The following ATRNL1 variants were observed in gnomAD, a reference collection of about 807,000 sequenced individuals.
ATRNL1 encodes the protein attractin like 1.
Under a neutral mutation model 182.7 loss-of-function variants are expected in ATRNL1, and 95 were observed. The observed-to-expected ratio is 0.52, with a 90% CI of 0.44 to 0.62. The LOEUF is 0.62. Ranked by LOEUF, ATRNL1 falls within the 20% of genes least tolerant of loss-of-function variation. ATRNL1 has a pLI of 0.00. For missense variants in ATRNL1, 1,471 were observed against 1,679.5 expected, an observed-to-expected ratio of 0.88 and a Z score of 2.17; for synonymous variants, 576 against 568.3, an observed-to-expected ratio of 1.01 and a Z score of -0.19.
intron 9 of ATRNL1, among the ~76,000 whole-genome samples, chr10:115,221,442 A>G (rs941635997): frequency 1.4e-4 from 21 of 152,314 alleles, no homozygotes; most frequent in Admixed American, 1.0e-3. Context: ...TGTTTTGAGG[A>G]CTTATTCTTT....
chr10:115,100,099 C>G (rs527848974), intron 1 of ATRNL1, among the ~76,000 whole-genome samples: 15 of 152,150 alleles, frequency 9.9e-5, no homozygotes, highest in African/African-American at 3.6e-4. Flanking sequence ...TGAGTGCAGC[C>G]TGGGAAACAA....
intron 13 of ATRNL1, among the ~76,000 whole-genome samples, chr10:115,279,832 T>G (rs1177963734): frequency 3.9e-5 from 6 of 152,196 alleles, no homozygotes; most frequent in Admixed American, 3.9e-4. Flanking sequence ...AAAATCCCTA[T>G]TCAACATTTT....
chr10:115,795,117 G>A (rs1555082598), intron 27 of ATRNL1, among the ~76,000 whole-genome samples: 3 of 152,114 alleles, frequency 2.0e-5, no homozygotes, highest in African/African-American at 7.2e-5. Context: ...GTTTCTTTTA[G>A]TGGAAAATGG....
chr10:115,124,571 A>C (rs1378899182), intron 3 of ATRNL1, among the ~76,000 whole-genome samples: 2 of 152,162 alleles, frequency 1.3e-5, no homozygotes, highest in Non-Finnish European at 2.9e-5. Flanking sequence ...CTGAACTCAA[A>C]TCTCCAGCCC....
intron 8 of ATRNL1, among the ~76,000 whole-genome samples, chr10:115,190,236 C>T (rs1273122289): frequency 6.6e-6 from 1 of 152,068 alleles, no homozygotes; most frequent in Non-Finnish European, 1.5e-5. Flanking sequence ...GTGACAAATG[C>T]TACTGTTAAA....
At chr10:115,373,317 T>C (rs1056678831) in intron 19 of ATRNL1, among the ~76,000 whole-genome samples, 2 of 152,076 alleles carry the variant, frequency 1.3e-5, no homozygotes, top group Non-Finnish European at 1.5e-5. Flanking sequence ...ACAGGGACAA[T>C]TTTACTTATT....
intron 21 of ATRNL1, among the ~76,000 whole-genome samples, chr10:115,442,775 C>A (rs1169227806): frequency 6.6e-6 from 1 of 152,064 alleles, no homozygotes; most frequent in South Asian, 2.1e-4. Flanking sequence ...TTGGCTTTCT[C>A]TTCTATTAAT....
intron 1 of ATRNL1, among the ~76,000 whole-genome samples, chr10:115,097,997 T>G (rs1249633210): frequency 6.6e-6 from 1 of 152,216 alleles, no homozygotes; most frequent in African/African-American, 2.4e-5. Context: ...CATATATATT[T>G]GGAATCCTTT....
chr10:115,148,478 T>C (rs1846064535), intron 5 of ATRNL1, among the ~76,000 whole-genome samples: 1 of 152,186 alleles, frequency 6.6e-6, no homozygotes, highest in African/African-American at 2.4e-5. Context: ...AAGTAGTATA[T>C]TGATTAGGTG....
At position 115,221,775 on chromosome 10, in the gene ATRNL1, C is replaced by A. The variant is rs554134661; in HGVS notation, c.1532+5895C>A. Reference sequence around the variant, plus strand: ...TAGTCTGGCCCCTGAGATTCTAAACCCTACTCGTGATAATTAGCCCACCTT... The same window carrying A: ...TAGTCTGGCCCCTGAGATTCTAAACACTACTCGTGATAATTAGCCCACCTT... On this transcript the variant is annotated intron_variant, in intron 9 of 28. Transcript: ENST00000355044. 2.1e-3 allele frequency among the ~76,000 whole-genome samples: 319 copies of A among 152,116 alleles called. 1 individual carries two copies. Among genetic ancestry groups the A allele is most frequent in the African/African-American group, 7.1e-3 (296 of 41,494 alleles).
chr10:115,355,218 G>T (rs973102321), intron 19 of ATRNL1, among the ~76,000 whole-genome samples: 2 of 152,138 alleles, frequency 1.3e-5, no homozygotes, highest in Non-Finnish European at 2.9e-5. Context: ...TGATATATGA[G>T]CGTTAAAAAT....
At chr10:115,912,361 T>C (rs1414636845) in intron 28 of ATRNL1, among the ~76,000 whole-genome samples, 1 of 152,070 alleles carries the variant, frequency 6.6e-6, no homozygotes, top group African/African-American at 2.4e-5. Flanking sequence ...AAAGTAGATA[T>C]TAAAACAATA....
At chr10:115,185,435 G>A (rs1167587613) in intron 8 of ATRNL1, among the ~76,000 whole-genome samples, 2 of 151,916 alleles carry the variant, frequency 1.3e-5, no homozygotes, top group Non-Finnish European at 2.9e-5. Flanking sequence ...CACCTTCTAG[G>A]GGATCCCATT....
chr10:115,932,112 GGGGCACCATGATACTTTTTTCACTCAAA>G (rs1953415160), intron 28 of ATRNL1, among the ~76,000 whole-genome samples: 1 of 152,130 alleles, frequency 6.6e-6, no homozygotes, highest in Non-Finnish European at 1.5e-5. Context: ...AAGGCAAAAT[GGGGCACCATGATACTTTTTTCACTCAAA>G]AGGGCCAGCA....
chr10:115,478,974 A>G (rs1479297057), intron 24 of ATRNL1, among the ~76,000 whole-genome samples: 2 of 151,594 alleles, frequency 1.3e-5, no homozygotes, highest in Non-Finnish European at 3.0e-5. Flanking sequence ...TATGTGAATT[A>G]CATGCCAATC....
intron 26 of ATRNL1, among the ~76,000 whole-genome samples, chr10:115,583,266 T>G (rs1184415913): frequency 7.9e-6 from 1 of 126,728 alleles, no homozygotes; most frequent in Non-Finnish European, 1.7e-5. Context: ...AAGGTAGTTT[T>G]TTCCAATTCT....
chr10:115,387,080 T>A (rs1362661995), intron 19 of ATRNL1, among the ~76,000 whole-genome samples: 1 of 139,746 alleles, frequency 7.2e-6, no homozygotes, highest in Non-Finnish European at 1.7e-5. Context: ...TGGAATACTA[T>A]GAAGCCATAA....
Position 115,945,133 on chromosome 10 carries a change from A to G in ATRNL1, c.*354A>G, listed in dbSNP as rs1351315566. ...AGACTTGAAAGAAAGACATTTTTTA[A>G]TGCCTGAATGATGAGAATTGTACAG... On this transcript the variant is annotated 3_prime_UTR_variant, in exon 29 of 29. Coordinates refer to ENST00000355044, the MANE Select transcript of ATRNL1 (RefSeq NM_207303.4). 6.3e-6 allele frequency: 1 copy of G among 158,174 alleles called. No homozygotes were observed. The highest frequency in any genetic ancestry group is 1.4e-5 in the Non-Finnish European group (1 of 72,226). 9.8% of individuals were successfully genotyped at this position (158,174 alleles called of 1,614,324 possible). A position where few individuals can be genotyped will look rare whatever the true frequency, so the allele number is the denominator to read the frequency against.
intron 24 of ATRNL1, among the ~76,000 whole-genome samples, chr10:115,496,015 C>T (rs185288015): frequency 2.0e-5 from 3 of 152,160 alleles, no homozygotes; most frequent in South Asian, 2.1e-4. Context: ...GTGTTGGGTG[C>T]ATATCTATTT....
Sources: gnomAD v4.1 joint callset for allele counts (sites outside exome capture counted in the v4.1 genomes callset) on GRCh38, gnomAD v4.1.1 for gene constraint, MANE v1.5 for transcripts, NCBI Gene and HGNC (gene_info 2026-07-23, HGNC 2026-07-21) for gene names.